Variants in USP12 observed in about 807,000 individuals in gnomAD.
USP12 encodes the protein ubiquitin specific peptidase 12.
A neutral mutation model predicts 45.5 loss-of-function variants in USP12; 19 were observed. The observed-to-expected ratio is 0.42, with a 90% CI of 0.29 to 0.61. The LOEUF is 0.61. USP12 is among the 20% of genes least tolerant of loss of function. The pLI, the probability that USP12 is intolerant of heterozygous loss-of-function variation, is 0.22. For synonymous variants in USP12, 149 were observed against 148.8 expected (o/e 1.00, Z -0.01); for missense variants, 242 against 447.7 (o/e 0.54, Z 4.15).
intron 1 of USP12, among the ~76,000 whole-genome samples, chr13:27,148,345 CTT>C (rs926292045): frequency 1.3e-5 from 2 of 149,204 alleles, no homozygotes; most frequent in African/African-American, 4.9e-5. Flanking sequence ...TCTTTCTTCT[CTT>C]AATTGATTTA....
chr13:27,138,783 T>C (rs1045491574), intron 1 of USP12, among the ~76,000 whole-genome samples: 20 of 152,220 alleles, frequency 1.3e-4, no homozygotes, highest in African/African-American at 4.1e-4. Context: ...TTTTCAGTTA[T>C]TCTACTATTA....
intron 1 of USP12, among the ~76,000 whole-genome samples, chr13:27,160,683 T>C (rs970345589): frequency 6.6e-6 from 1 of 152,114 alleles, no homozygotes; most frequent in Non-Finnish European, 1.5e-5. Flanking sequence ...CTGAAGAAAT[T>C]ATCAGCTTTA....
intron 6 of USP12, among the ~76,000 whole-genome samples, chr13:27,085,742 A>G (rs1446218455): frequency 6.6e-6 from 1 of 152,166 alleles, no homozygotes; most frequent in Non-Finnish European, 1.5e-5. Context: ...GTCCAAAAAT[A>G]TGTGGGGAAT....
At chr13:27,157,074 A>G (rs957322108) in intron 1 of USP12, among the ~76,000 whole-genome samples, 10 of 152,230 alleles carry the variant, frequency 6.6e-5, no homozygotes, top group African/African-American at 1.9e-4. Flanking sequence ...TTTGTTTGGA[A>G]AAAATGAACT....
rs148210885 is a variant in USP12, at chr13:27,153,302, G to A, written c.48+18290C>T. 5.0e-3 allele frequency among the ~76,000 whole-genome samples: 756 copies of A among 152,024 alleles called. 5 individuals carry two copies. Among genetic ancestry groups the A allele is most frequent in the African/African-American group, 0.018 (727 of 41,488 alleles). ...AGCCTGGGCAACAGAGTGAGACTCC[G>A]TCTCAAAAAAAAATAAGTAAATAAA... On this transcript the variant is annotated intron_variant, in intron 1 of 8. Coordinates refer to ENST00000282344, the MANE Select transcript of USP12 (RefSeq NM_182488.4).
Position 27,070,842 on chromosome 13 carries a change from C to T in USP12, c.1011+229G>A, listed in dbSNP as rs539247248. Among the ~76,000 whole-genome samples the T allele has an allele frequency of 1.3e-4, 20 of 152,240 alleles. No homozygotes were observed. The South Asian group carries it at 2.7e-3, about 21-fold the overall frequency. On this transcript the variant is annotated intron_variant, in intron 8 of 8. Transcript: ENST00000282344. ...TGCTGGGATTACAGGCGTGAGCCAC[C>T]GCACCTGGCCTCCCTTGTTTTATTC... is the stretch of plus-strand genomic sequence containing the variant.
In USP12 at chr13:27,097,808, G is replaced by A. The variant is rs143218327; in HGVS notation, c.344-1978C>T. ...AATATTGGCAATATCACTACATGTT[G>A]AATATCCTTTATCTAAAATGCTTGG... On this transcript the variant is annotated intron_variant, in intron 3 of 8. Transcript: ENST00000282344. Among the ~76,000 whole-genome samples, 434 of 152,228 alleles carry A rather than the reference G, an allele frequency of 2.9e-3. 1 individual carries two copies. Among genetic ancestry groups the A allele is most frequent in the Non-Finnish European group, 4.5e-3 (307 of 68,024 alleles).
intron 1 of USP12, among the ~76,000 whole-genome samples, chr13:27,156,569 G>A (rs1200211049): frequency 6.6e-6 from 1 of 152,232 alleles, no homozygotes; most frequent in East Asian, 1.9e-4. Flanking sequence ...TGTAATCCCA[G>A]CACTTTGGGA....
At chr13:27,144,044 G>A (rs1385555218) in intron 1 of USP12, among the ~76,000 whole-genome samples, 2 of 152,020 alleles carry the variant, frequency 1.3e-5, no homozygotes, top group African/African-American at 4.8e-5. Context: ...TCTCTACTAA[G>A]ACTATGAAAC....
intron 1 of USP12, among the ~76,000 whole-genome samples, chr13:27,152,854 A>G (rs1201576720): frequency 1.3e-5 from 2 of 150,984 alleles, no homozygotes; most frequent in Non-Finnish European, 3.0e-5. Flanking sequence ...AGGCAGGACA[A>G]TGGCGTGAAC....
At chr13:27,143,110 A>C (rs2137822532) in intron 1 of USP12, among the ~76,000 whole-genome samples, 1 of 151,756 alleles carries the variant, frequency 6.6e-6, no homozygotes, top group African/African-American at 2.4e-5. Context: ...AAAAAAAAAA[A>C]AAGAGTGAAA....
chr13:27,105,399 T>G (rs1331465161), intron 3 of USP12, among the ~76,000 whole-genome samples: 1 of 151,854 alleles, frequency 6.6e-6, no homozygotes, highest in Non-Finnish European at 1.5e-5. Context: ...AACAAATGCA[T>G]AAGCATGCAA....
intron 1 of USP12, among the ~76,000 whole-genome samples, chr13:27,154,380 T>C (rs1365866371): frequency 6.6e-6 from 1 of 152,238 alleles, no homozygotes; most frequent in Non-Finnish European, 1.5e-5. Context: ...TGTAAAAGTA[T>C]TGGTAGCTAA....
At chr13:27,166,476 T>C (rs1261826685) in intron 1 of USP12, among the ~76,000 whole-genome samples, 1 of 152,108 alleles carries the variant, frequency 6.6e-6, no homozygotes, top group Non-Finnish European at 1.5e-5. Context: ...TAGAATCAAA[T>C]AAGGCAACAA....
intron 1 of USP12, among the ~76,000 whole-genome samples, chr13:27,152,785 A>AGAGAC (rs1877633105): frequency 6.6e-6 from 1 of 151,994 alleles, no homozygotes; most frequent in African/African-American, 2.4e-5. Context: ...TACTAAAAAT[A>AGAGAC]CAAAAAATTA....
chr13:27,078,427 G>A (rs1873592370), intron 6 of USP12, among the ~76,000 whole-genome samples: 1 of 129,976 alleles, frequency 7.7e-6, no homozygotes, highest in African/African-American at 2.8e-5. Context: ...CTGATACGGA[G>A]CATAACTGTA....
rs142502034 is a variant in USP12 at position 27,134,528 on chromosome 13, T to A, written c.49-17932A>T. ...AGAAAAGAGAAGAGTTACTTTCTAA[T>A]CAGGTCCCCTAAAGTCTTCCATATT... On this transcript the variant is annotated intron_variant, in intron 1 of 8. Coordinates refer to ENST00000282344, the MANE Select transcript of USP12 (RefSeq NM_182488.4). Among the ~76,000 whole-genome samples, 180 of 152,230 alleles carry A rather than the reference T, an allele frequency of 1.2e-3. 1 individual carries two copies. In the East Asian group the frequency reaches 0.013, roughly 11 times the overall value.
At chr13:27,151,036 G>GA (rs1877543974) in intron 1 of USP12, among the ~76,000 whole-genome samples, 1 of 151,928 alleles carries the variant, frequency 6.6e-6, no homozygotes, top group African/African-American at 2.4e-5. Context: ...AACGACAAAA[G>GA]AAAAAAATCA....
chr13:27,109,044 A>G (rs1307020316), intron 2 of USP12, among the ~76,000 whole-genome samples: 1 of 152,184 alleles, frequency 6.6e-6, no homozygotes, highest in Non-Finnish European at 1.5e-5. Context: ...ACTAATATAT[A>G]AAAGGAAAAA....
Sources: gnomAD v4.1 joint callset for allele counts (sites outside exome capture counted in the v4.1 genomes callset) on GRCh38, gnomAD v4.1.1 for gene constraint, MANE v1.5 for transcripts, NCBI Gene and HGNC (gene_info 2026-07-23, HGNC 2026-07-21) for gene names.